The following RPS6KC1 variants were observed in gnomAD, a reference collection of about 807,000 sequenced individuals.
RPS6KC1 encodes the protein inactive ribosomal protein S6 kinase delta-1.
A neutral mutation model predicts 103.8 loss-of-function variants in RPS6KC1; 54 were observed. The ratio of observed to expected loss-of-function variants is 0.52; its 90% CI spans 0.42 to 0.65. RPS6KC1 has a LOEUF of 0.65. RPS6KC1 is among the 30% of genes least tolerant of loss of function. RPS6KC1 has a pLI of 0.00. For synonymous variants in RPS6KC1, 439 were observed against 438.7 expected, an observed-to-expected ratio of 1.00 and a Z score of -0.01; for missense variants, 1,151 against 1,253.8, an observed-to-expected ratio of 0.92 and a Z score of 1.24.
chr1:213,803,608 C>T, the RPS6KC1 span, among the ~76,000 whole-genome samples: 3 of 152,052 alleles, frequency 2.0e-5, no homozygotes, highest in African/African-American at 7.2e-5. Flanking sequence ...TCAGAGTGGT[C>T]CAGAGTGGTC....
chr1:213,474,649 G>A, the RPS6KC1 span, among the ~76,000 whole-genome samples: 6 of 152,058 alleles, frequency 3.9e-5, no homozygotes, highest in Non-Finnish European at 7.4e-5. Flanking sequence ...TGAGCAGAGC[G>A]CATATGTATC....
chr1:213,573,797 C>T, the RPS6KC1 span, among the ~76,000 whole-genome samples: 2 of 152,172 alleles, frequency 1.3e-5, no homozygotes, highest in African/African-American at 4.8e-5. Context: ...AGCGTCTAAA[C>T]AATAGATTGT....
chr1:213,123,250 T>C (rs1036361190), intron 5 of RPS6KC1, among the ~76,000 whole-genome samples: 1 of 152,132 alleles, frequency 6.6e-6, no homozygotes, highest in Non-Finnish European at 1.5e-5. Flanking sequence ...ATACTGGTAA[T>C]GGGCTTGATG....
chr1:213,292,221 G>C, the RPS6KC1 span, among the ~76,000 whole-genome samples: 1 of 151,228 alleles, frequency 6.6e-6, no homozygotes, highest in East Asian at 1.9e-4. Context: ...TGCACATTGT[G>C]CACATGTACC....
At chr1:213,080,993 G>A (rs112327264) in intron 3 of RPS6KC1, among the ~76,000 whole-genome samples, 1,596 of 152,354 alleles carry the variant, frequency 0.01, 31 homozygotes, top group African/African-American at 0.036. Context: ...ATGTGTAAGT[G>A]AAGTCTCTGT....
At chr1:213,196,633 T>C (rs551526387) in intron 8 of RPS6KC1, among the ~76,000 whole-genome samples, 77 of 152,338 alleles carry the variant, frequency 5.1e-4, no homozygotes, top group African/African-American at 1.8e-3. Context: ...TTTAAGTCTT[T>C]GATGCATCTT....
At chr1:213,504,298 C>CT in the RPS6KC1 span, among the ~76,000 whole-genome samples, 4 of 151,966 alleles carry the variant, frequency 2.6e-5, no homozygotes, top group Non-Finnish European at 5.9e-5. Flanking sequence ...TTTATAATTG[C>CT]TTTTTTTGCA....
the RPS6KC1 span, among the ~76,000 whole-genome samples, chr1:213,331,725 CTG>C: frequency 1.3e-5 from 2 of 152,170 alleles, no homozygotes; most frequent in African/African-American, 4.8e-5. Context: ...GAGGCCATGA[CTG>C]TGTGTAAAAC....
At chr1:213,212,239 C>T (rs1384998571) in intron 8 of RPS6KC1, among the ~76,000 whole-genome samples, 4 of 152,140 alleles carry the variant, frequency 2.6e-5, no homozygotes, top group Non-Finnish European at 5.9e-5. Context: ...CCTGTTCATT[C>T]CCTGCCAACA....
At chr1:213,186,700 T>G (rs1191205168) in intron 8 of RPS6KC1, among the ~76,000 whole-genome samples, 6 of 152,224 alleles carry the variant, frequency 3.9e-5, no homozygotes, top group African/African-American at 1.4e-4. Context: ...ACACTAATAA[T>G]TCTTAGCTTT....
the RPS6KC1 span, among the ~76,000 whole-genome samples, chr1:213,449,216 C>T: frequency 1.3e-5 from 2 of 152,142 alleles, no homozygotes; most frequent in African/African-American, 2.4e-5. Context: ...CTCTGGGACC[C>T]GCCCCACCAA....
chr1:213,351,490 G>C, the RPS6KC1 span, among the ~76,000 whole-genome samples: 1 of 152,156 alleles, frequency 6.6e-6, no homozygotes, highest in South Asian at 2.1e-4. Flanking sequence ...TTGAAAAGTG[G>C]CAACTGGCTA....
the RPS6KC1 span, among the ~76,000 whole-genome samples, chr1:213,294,954 AAGG>A: frequency 2.0e-5 from 3 of 152,120 alleles, no homozygotes; most frequent in African/African-American, 7.2e-5. Flanking sequence ...TTTTGAAAAG[AAGG>A]AGAAGAAAGA....
intron 3 of RPS6KC1, among the ~76,000 whole-genome samples, chr1:213,090,028 G>T (rs1300070548): frequency 1.3e-5 from 2 of 152,130 alleles, no homozygotes; most frequent in African/African-American, 4.8e-5. Context: ...TGGCACTGAG[G>T]ATATCATGAT....
chr1:213,312,434 T>C, the RPS6KC1 span, among the ~76,000 whole-genome samples: 5 of 152,148 alleles, frequency 3.3e-5, no homozygotes, highest in Admixed American at 1.3e-4. Flanking sequence ...ATCTGAGAAA[T>C]TGGCACCTGG....
chr1:213,331,348 G>A, the RPS6KC1 span, among the ~76,000 whole-genome samples: 1 of 152,210 alleles, frequency 6.6e-6, no homozygotes, highest in Admixed American at 6.5e-5. Context: ...CTATGGGTGA[G>A]TACTTTTCTC....
intron 8 of RPS6KC1, among the ~76,000 whole-genome samples, chr1:213,182,299 C>G (rs1300008999): frequency 1.3e-5 from 2 of 152,088 alleles, no homozygotes; most frequent in Non-Finnish European, 2.9e-5. Context: ...TGAGACCAGC[C>G]TGGCCAACAT....
chr1:213,332,764 G>A, the RPS6KC1 span, among the ~76,000 whole-genome samples: 1 of 152,148 alleles, frequency 6.6e-6, no homozygotes. Flanking sequence ...GATGGTGCTG[G>A]CAGGACAACT....
chr1:213,712,466 T>C, the RPS6KC1 span, among the ~76,000 whole-genome samples: 1 of 152,214 alleles, frequency 6.6e-6, no homozygotes, highest in Non-Finnish European at 1.5e-5. Flanking sequence ...GGGGGTGGGA[T>C]CCACTGAGCT....
Sources: allele counts gnomAD v4.1 joint callset (sites outside exome capture counted in the v4.1 genomes callset), GRCh38; gene constraint gnomAD v4.1.1; transcripts MANE v1.5; gene names NCBI Gene and HGNC (gene_info 2026-07-23, HGNC 2026-07-21).